SPATA1: variants seen among roughly 807,000 people sequenced by gnomAD.
The protein encoded by SPATA1 is spermatogenesis-associated protein 1.
Under a neutral mutation model 59.6 loss-of-function variants are expected in SPATA1, and 57 were observed. The ratio of observed to expected loss-of-function variants is 0.96; its 90% CI spans 0.77 to 1.19. The LOEUF (loss-of-function observed/expected upper bound fraction) is 1.19, where lower values mean the gene tolerates loss of function less well. SPATA1 is among the 50% of genes most tolerant of loss of function. The pLI is 0.00. For synonymous variants in SPATA1, 147 were observed against 163.9 expected (o/e 0.90, Z 0.79); for missense variants, 448 against 480.7 (o/e 0.93, Z 0.64).
chr1:84,539,085 G>A (rs1683818407), intron 8 of SPATA1, among the ~76,000 whole-genome samples: 1 of 152,172 alleles, frequency 6.6e-6, no homozygotes, highest in Non-Finnish European at 1.5e-5. Context: ...ATAGGCATGA[G>A]CCACTGCACC....
intron 1 of SPATA1, among the ~76,000 whole-genome samples, chr1:84,509,648 C>A (rs1411909736): frequency 6.6e-6 from 1 of 152,178 alleles, no homozygotes; most frequent in Non-Finnish European, 1.5e-5. Flanking sequence ...TGCCTGTAGT[C>A]GCAGCTACTT....
intron 12 of SPATA1, chr1:84,552,824 T>C (rs1684318136): frequency 1.5e-5 from 7 of 459,342 alleles, no homozygotes; most frequent in Middle Eastern, 1.1e-3. Context: ...GGTTACCTTA[T>C]AGCATATCTC....
chr1:84,518,160 TTAAAAA>T (rs1682873051), intron 2 of SPATA1, among the ~76,000 whole-genome samples: 1 of 152,112 alleles, frequency 6.6e-6, no homozygotes, highest in African/African-American at 2.4e-5. Context: ...CAATGCCATG[TTAAAAA>T]TAAAAAGCAA....
intron 1 of SPATA1, among the ~76,000 whole-genome samples, chr1:84,515,358 A>C (rs1246063660): frequency 1.3e-5 from 2 of 152,128 alleles, no homozygotes; most frequent in Non-Finnish European, 2.9e-5. Flanking sequence ...ATTTCAGGAA[A>C]TAATCTTTTA....
chr1:84,533,030 G>A (rs867793977), intron 7 of SPATA1, 56 bp downstream of exon 7: 3 of 1,203,052 alleles, frequency 2.5e-6, no homozygotes, highest in South Asian at 3.0e-5. Flanking sequence ...AAGAAAAAGA[G>A]TAAGATATTC....
chr1:84,536,475 G>A (rs374376829), intron 8 of SPATA1, among the ~76,000 whole-genome samples: 64 of 152,258 alleles, frequency 4.2e-4, no homozygotes, highest in African/African-American at 1.4e-3. Context: ...ACGGAGTCTC[G>A]CTCTGTCGCC....
rs375604956 is a variant in SPATA1, at chr1:84,563,336, G to A, written n.443-2525G>A. ...AGAACTATTTATTTGCTTCATGATC[G>A]TTTTGTAGGGCACCTGACGTCCTGC... On this transcript the variant is annotated intron_variant and non_coding_transcript_variant, in intron 4 of 4. Coordinates refer to the SPATA1 transcript ENST00000460286. The A allele has an allele frequency of 1.6e-5, 25 of 1,598,040 alleles. No individual in the cohort carries two copies. Among genetic ancestry groups the A allele is most frequent in the African/African-American group, 9.5e-5 (7 of 73,866 alleles).
intron 8 of SPATA1, among the ~76,000 whole-genome samples, chr1:84,538,341 C>T (rs1288708542): frequency 6.6e-6 from 1 of 152,216 alleles, no homozygotes; most frequent in Non-Finnish European, 1.5e-5. Flanking sequence ...TAGACCTTCA[C>T]TGTTTTGCCT....
Position 84,526,497 on chromosome 1 carries a change from C to T in SPATA1, c.544+424C>T, listed in dbSNP as rs1017679005. The stretch of plus-strand genomic sequence containing the variant: ...AAAAACTTTAATGTTGGGGAACATA[C>T]GTATTTCAGAGAATTTTAAATTTTT... On this transcript the variant is annotated intron_variant, in intron 6 of 12. Coordinates refer to ENST00000490879, the Ensembl canonical transcript of SPATA1. Among the ~76,000 whole-genome samples, 7 of 152,182 alleles carry T rather than the reference C, an allele frequency of 4.6e-5. No individual in the cohort carries two copies. In the East Asian group the frequency reaches 7.7e-4, roughly 17 times the overall value.
Position 84,536,733 on chromosome 1 carries a change from C to T in SPATA1, c.717+2967C>T, listed in dbSNP as rs138760779. 4.3e-3 allele frequency among the ~76,000 whole-genome samples: 659 copies of T among 152,092 alleles called. 6 individuals carry two copies. The highest frequency in any genetic ancestry group is 0.015 in the African/African-American group (623 of 41,490). On this transcript the variant is annotated intron_variant, in intron 8 of 12. Transcript: ENST00000490879. Reference sequence around the variant, plus strand: ...TGCTGGGATTACAGGCATGAGCCACCGCACCCGGCCCACTTAATTCTTTAA... The same window carrying T: ...TGCTGGGATTACAGGCATGAGCCACTGCACCCGGCCCACTTAATTCTTTAA...
At chr1:84,538,946 C>T (rs954067940) in intron 8 of SPATA1, among the ~76,000 whole-genome samples, 3 of 149,924 alleles carry the variant, frequency 2.0e-5, no homozygotes, top group African/African-American at 5.0e-5. Context: ...ACTACAGACA[C>T]ATGCCACCAC....
chr1:84,541,669 T>G (rs1439024498), intron 8 of SPATA1, among the ~76,000 whole-genome samples: 1 of 152,160 alleles, frequency 6.6e-6, no homozygotes, highest in African/African-American at 2.4e-5. Flanking sequence ...ATTTAATCTA[T>G]GTTGGGAGCA....
intron 1 of SPATA1, among the ~76,000 whole-genome samples, chr1:84,514,285 A>C (rs995612143): frequency 1.3e-5 from 2 of 152,174 alleles, no homozygotes; most frequent in Non-Finnish European, 2.9e-5. Flanking sequence ...GGTCTCCAGC[A>C]TTGGTCTCAT....
chr1:84,549,010 A>C, intron 11 of SPATA1, 46 bp downstream of exon 11: 1 of 1,476,686 alleles, frequency 6.8e-7, no homozygotes, highest in Non-Finnish European at 9.0e-7. Context: ...TTCTGTTCAA[A>C]ACACATGCTT....
Position 84,563,335 on chromosome 1 carries a change from C to A in SPATA1, n.443-2526C>A, listed in dbSNP as rs1055940606. ...TAGAACTATTTATTTGCTTCATGATCGTTTTGTAGGGCACCTGACGTCCTG... is the reference window on the plus strand; with the variant it reads ...TAGAACTATTTATTTGCTTCATGATAGTTTTGTAGGGCACCTGACGTCCTG... On this transcript the variant is annotated intron_variant and non_coding_transcript_variant, in intron 4 of 4. Coordinates refer to the SPATA1 transcript ENST00000460286. 8 of 1,598,504 alleles carry A rather than the reference C, an allele frequency of 5.0e-6. No individual in the cohort carries two copies. In the African/African-American group the frequency reaches 8.1e-5, roughly 16 times the overall value.
chr1:84,561,777 G>A (rs1456091730), intron 4 of SPATA1, among the ~76,000 whole-genome samples: 4 of 152,150 alleles, frequency 2.6e-5, no homozygotes, highest in Non-Finnish European at 4.4e-5. Flanking sequence ...CTTGATAAAG[G>A]CTCAGATGAT....
At chr1:84,535,746 C>T (rs1043931269) in intron 8 of SPATA1, among the ~76,000 whole-genome samples, 31 of 151,900 alleles carry the variant, frequency 2.0e-4, no homozygotes, top group Admixed American at 1.2e-3. Context: ...GGACTTTCTA[C>T]GTACATATTC....
chr1:84,548,026 G>A (rs1313545121), intron 10 of SPATA1, among the ~76,000 whole-genome samples: 1 of 152,094 alleles, frequency 6.6e-6, no homozygotes, highest in Non-Finnish European at 1.5e-5. Flanking sequence ...TGAAGAAGGT[G>A]GAATATGCTA....
chr1:84,562,473 G>C (rs138482716), intron 4 of SPATA1, among the ~76,000 whole-genome samples: 1 of 152,184 alleles, frequency 6.6e-6, no homozygotes, highest in African/African-American at 2.4e-5. Context: ...TTATAAATGG[G>C]TACCAGACCA....
Sources: gnomAD v4.1 joint callset for allele counts (sites outside exome capture counted in the v4.1 genomes callset) on GRCh38, gnomAD v4.1.1 for gene constraint, MANE v1.5 for transcripts, NCBI Gene and HGNC (gene_info 2026-07-23, HGNC 2026-07-21) for gene names.